The following GRIN2D variants were observed in gnomAD, a reference collection of about 807,000 sequenced individuals.
GRIN2D encodes glutamate receptor ionotropic, NMDA 2D.
A neutral mutation model predicts 103.2 loss-of-function variants in GRIN2D; 37 were observed. The ratio of observed to expected loss-of-function variants is 0.36; its 90% confidence interval spans 0.28 to 0.47. The LOEUF (loss-of-function observed/expected upper bound fraction) is 0.47. Among genes scored for constraint, GRIN2D ranks in the 20% least tolerant of loss-of-function variants. GRIN2D has a pLI of 1.00. For synonymous variants in GRIN2D, 845 were observed against 885.6 expected (o/e 0.95, Z 0.81); for missense variants, 1,557 against 1,910.6 (o/e 0.81, Z 3.45).
chr19:48,436,916 C>T (rs770322758), intron 11 of GRIN2D, among the ~76,000 whole-genome samples: 1 of 151,990 alleles, frequency 6.6e-6, no homozygotes, highest in East Asian at 1.9e-4. Context: ...CCTCTAAACT[C>T]GAGGTGATCC....
At chr19:48,410,815 C>T (rs1970848807) in intron 4 of GRIN2D, among the ~76,000 whole-genome samples, 1 of 151,962 alleles carries the variant, frequency 6.6e-6, no homozygotes, top group South Asian at 2.1e-4. Flanking sequence ...CAGAGAGAGC[C>T]CCAGGCCAGG....
At position 48,443,209 on chromosome 19, in the gene GRIN2D, C is replaced by T; in HGVS notation, c.3283C>T (p.Pro1095Ser). The T allele has an allele frequency of 2.4e-6, 3 of 1,269,892 alleles. No homozygotes were observed. The highest frequency in any genetic ancestry group is 3.0e-6 in the Non-Finnish European group (3 of 994,084). 78.7% of individuals were successfully genotyped at this position (1,269,892 alleles called of 1,614,324 possible). ...CGGAGGAGCCCCGGCCGCTCCGCCC[C>T]CGTGCCGCGCCGCGCCGCCCCCGTG... ...AGGGAPAAPP[P>S]CRAAPPPCPY... is the part of the protein sequence containing the mutation. The change falls in exon 14 of 14, where the codon CCG becomes TCG. Residue 1095 changes from proline (P) to serine (S), a missense_variant. Around this residue, in one of 7 missense-constraint regions of GRIN2D, gnomAD observed 632 missense variants for 572.8 expected, o/e 1.10. Coordinates refer to ENST00000263269, the MANE Select transcript of GRIN2D (RefSeq NM_000836.4). This position sits in a 1 kb window ranked among gnomAD's most constrained non-coding sequence, Gnocchi z 8.9.
At position 48,444,040 on chromosome 19, in the gene GRIN2D, G is replaced by T; in HGVS notation, c.*103G>T. On this transcript the variant is annotated 3_prime_UTR_variant, in exon 14 of 14. Coordinates refer to ENST00000263269, the MANE Select transcript of GRIN2D (RefSeq NM_000836.4). The surrounding 1 kb of genome is among the most constrained non-coding windows in gnomAD (Gnocchi z 5.5). ...CGCGTGGGTTGGGAAGGAAAGCAGTGGAACTGGCCGGACCCCGCCTGGAGC... is the reference window on the plus strand; with the variant it reads ...CGCGTGGGTTGGGAAGGAAAGCAGTTGAACTGGCCGGACCCCGCCTGGAGC... 4.1e-6 allele frequency: 3 copies of T among 733,172 alleles called. No individual in the cohort carries two copies. Among genetic ancestry groups the T allele is most frequent in the Non-Finnish European group, 5.9e-6 (3 of 507,066 alleles). 45.4% of individuals were successfully genotyped at this position (733,172 alleles called of 1,614,324 possible).
chr19:48,399,396 C>T (rs1387496785), intron 3 of GRIN2D, among the ~76,000 whole-genome samples: 1 of 152,096 alleles, frequency 6.6e-6, no homozygotes, highest in East Asian at 1.9e-4. Flanking sequence ...GGTGAAACCC[C>T]GTCTCTACTA....
intron 11 of GRIN2D, among the ~76,000 whole-genome samples, chr19:48,422,588 C>T (rs1272946013): frequency 2.7e-5 from 4 of 149,094 alleles, no homozygotes; most frequent in African/African-American, 7.5e-5. Flanking sequence ...TCCAGCCTGG[C>T]GACAGAGCGA....
chr19:48,401,104 A>G (rs1970706307), intron 3 of GRIN2D, among the ~76,000 whole-genome samples: 1 of 151,684 alleles, frequency 6.6e-6, no homozygotes. Flanking sequence ...AAAACAATAA[A>G]CAAAAAGAAC....
chr19:48,396,928 G>A (rs954339708), intron 2 of GRIN2D, among the ~76,000 whole-genome samples: 3 of 152,120 alleles, frequency 2.0e-5, no homozygotes, highest in Admixed American at 6.5e-5. Context: ...GGAACCAGGA[G>A]TCCAGACTCC....
chr19:48,419,093 G>T, intron 8 of GRIN2D, 141 bp from the exon 9 acceptor site: 2 of 570,824 alleles, frequency 3.5e-6, no homozygotes, highest in Non-Finnish European at 5.8e-6. Flanking sequence ...AGGCCAGTCT[G>T]GTCTTGAACT....
intron 11 of GRIN2D, among the ~76,000 whole-genome samples, chr19:48,428,461 A>T (rs1056150717): frequency 6.7e-5 from 10 of 149,450 alleles, no homozygotes; most frequent in African/African-American, 2.5e-4. Context: ...CCCGGGTTCC[A>T]GTGATTCTCT....
intron 4 of GRIN2D, among the ~76,000 whole-genome samples, chr19:48,410,256 G>A (rs931646771): frequency 2.6e-5 from 4 of 150,954 alleles, no homozygotes; most frequent in East Asian, 2.0e-4. Context: ...CAGGCCAGGC[G>A]TGGTGGCTCA....
At chr19:48,396,777 C>G (rs921633649) in intron 2 of GRIN2D, among the ~76,000 whole-genome samples, 1 of 151,966 alleles carries the variant, frequency 6.6e-6, no homozygotes, top group African/African-American at 2.4e-5. Context: ...ACCTTTCCCC[C>G]GCCCTGGCTG....
intron 10 of GRIN2D, among the ~76,000 whole-genome samples, chr19:48,420,825 A>T (rs1418382750): frequency 6.6e-6 from 1 of 152,046 alleles, no homozygotes; most frequent in Non-Finnish European, 1.5e-5. Context: ...ACAGAGCGAG[A>T]CTCTGCCTAA....
In GRIN2D at chr19:48,405,197, C is replaced by T. The variant is rs768384656; in HGVS notation, c.929C>T (p.Ala310Val). The T allele has an allele frequency of 1.2e-6, 2 of 1,602,764 alleles. No individual in the cohort carries two copies. Among genetic ancestry groups the T allele is most frequent in the East Asian group, 4.5e-5 (2 of 44,660 alleles). ...LPAGLFAVRS[A>V]GWRDDLARRV... ...GCCGGGCTGTTTGCAGTGCGCTCGG[C>T]TGGCTGGCGGGATGACCTGGCTCGG... The change falls in exon 4 of 14, where the codon GCT becomes GTT. Residue 310 changes from alanine to valine, a missense_variant. Ala to Val is a moderately conservative substitution (Grantham distance 64). Transcript: ENST00000263269. The surrounding 1 kb of genome is among the most constrained non-coding windows in gnomAD (Gnocchi z 5.1).
chr19:48,407,481 G>C (rs942134683), intron 4 of GRIN2D, among the ~76,000 whole-genome samples: 1 of 152,170 alleles, frequency 6.6e-6, no homozygotes, highest in Admixed American at 6.6e-5. Flanking sequence ...TCCCAAGAGA[G>C]GAAATGTATT....
chr19:48,404,108 C>T (rs748494612), intron 3 of GRIN2D, among the ~76,000 whole-genome samples: 3 of 152,144 alleles, frequency 2.0e-5, no homozygotes, highest in Non-Finnish European at 4.4e-5. Context: ...GGCGTGGTGG[C>T]GCACGCCTAT....
At position 48,441,896 on chromosome 19, in the gene GRIN2D, C is replaced by G; in HGVS notation, c.2380C>G (p.His794Asp). ...CACGACAGGCTATGGCATCGCCCTG[C>G]ACAAGGGCTCCCGCTGGAAGCGGCC... ...FATTGYGIAL[H>D]KGSRWKRPID... The change falls in exon 12 of 14, where the codon CAC (histidine) becomes GAC (aspartate). Residue 794 changes from histidine to aspartate, a missense_variant. Physicochemically the swap from His to Asp is moderately conservative, Grantham distance 81. Transcript: ENST00000263269. 6.2e-7 allele frequency: 1 copy of G among 1,612,986 alleles called. No individual in the cohort carries two copies.
chr19:48,440,438 C>G (rs1014676827), intron 11 of GRIN2D, among the ~76,000 whole-genome samples: 3 of 151,754 alleles, frequency 2.0e-5, no homozygotes, highest in African/African-American at 7.3e-5. Flanking sequence ...ACAAAAAATA[C>G]AAAAATTAGC....
At chr19:48,401,795 G>A (rs777249758) in intron 3 of GRIN2D, among the ~76,000 whole-genome samples, 4 of 152,330 alleles carry the variant, frequency 2.6e-5, no homozygotes, top group Non-Finnish European at 4.4e-5. Context: ...TAGACTGGAA[G>A]ATGCAAGATT....
intron 9 of GRIN2D, 84 bp downstream of exon 9, chr19:48,419,443 G>A (rs10406134): frequency 7.9e-6 from 12 of 1,513,998 alleles, no homozygotes; most frequent in South Asian, 1.2e-5. Context: ...GCCCCTGGAG[G>A]GGGGGCGGTC....
Sources: allele counts gnomAD v4.1 joint callset (sites outside exome capture counted in the v4.1 genomes callset), GRCh38; gene constraint gnomAD v4.1.1; regional missense constraint gnomAD v4.1.1; non-coding constraint Gnocchi (gnomAD v3.1); transcripts MANE v1.5; gene names NCBI Gene and HGNC (gene_info 2026-07-23, HGNC 2026-07-21).